EYA4: variants seen among roughly 807,000 people sequenced by gnomAD.
EYA4 encodes protein phosphatase EYA4.
In EYA4, 31 loss-of-function variants were observed where a neutral mutation model predicts 87.9. The ratio of observed to expected loss-of-function variants is 0.35; its 90% CI spans 0.27 to 0.48. The LOEUF is 0.48. Among genes scored for constraint, EYA4 ranks in the 20% least tolerant of loss-of-function variants. The pLI is 0.99. For synonymous variants in EYA4, 263 were observed against 270.6 expected, an observed-to-expected ratio of 0.97 and a Z score of 0.28; for missense variants, 678 against 761.4, an observed-to-expected ratio of 0.89 and a Z score of 1.29.
At chr6:133,418,006 C>T (rs970638297) in intron 3 of EYA4, among the ~76,000 whole-genome samples, 1 of 152,178 alleles carries the variant, frequency 6.6e-6, no homozygotes, top group Non-Finnish European at 1.5e-5. Flanking sequence ...AAACATATAT[C>T]CCACACCCTC....
intron 13 of EYA4, among the ~76,000 whole-genome samples, chr6:133,494,600 A>C (rs1797465261): frequency 1.3e-5 from 2 of 151,006 alleles, no homozygotes; most frequent in South Asian, 2.1e-4. Context: ...ACACTTTGGG[A>C]GGTGACGCAG....
rs966128861 is a variant in EYA4 at position 133,241,607 on chromosome 6, G to T, written c.-208G>T. 1 of 152,316 alleles carries T rather than the reference G, an allele frequency of 6.6e-6. No homozygotes were observed. The highest frequency in any genetic ancestry group is 1.5e-5 in the Non-Finnish European group (1 of 68,164). 9.4% of individuals were successfully genotyped at this position (152,316 alleles called of 1,614,324 possible). ...GCTATTTGTTGTGGGGTGGCCGAAG[G>T]GGATGTCCTGTTTTCACCAGAGGCA... On this transcript the variant is annotated 5_prime_UTR_variant, in exon 1 of 20. Coordinates refer to ENST00000355286, the MANE Select transcript of EYA4 (RefSeq NM_004100.5).
intron 3 of EYA4, among the ~76,000 whole-genome samples, chr6:133,434,228 G>A (rs1791443447): frequency 6.6e-6 from 1 of 152,184 alleles, no homozygotes. Flanking sequence ...ATGAAAGAAG[G>A]TTTAGACTTG....
chr6:133,251,860 G>A (rs2128231013), intron 1 of EYA4, among the ~76,000 whole-genome samples: 1 of 152,182 alleles, frequency 6.6e-6, no homozygotes, highest in African/African-American at 2.4e-5. Context: ...TAAGAGGATT[G>A]TTCTATTTCC....
chr6:133,478,269 G>A (rs767751701), intron 11 of EYA4, among the ~76,000 whole-genome samples: 2 of 152,068 alleles, frequency 1.3e-5, no homozygotes, highest in Non-Finnish European at 2.9e-5. Context: ...ATGAACATAT[G>A]CCTTCCCTCT....
intron 10 of EYA4, among the ~76,000 whole-genome samples, chr6:133,466,178 T>C (rs1794824033): frequency 6.6e-6 from 1 of 152,100 alleles, no homozygotes; most frequent in African/African-American, 2.4e-5. Flanking sequence ...ATAGTGAATA[T>C]AATAACAGAA....
chr6:133,514,784 A>C lies in EYA4; in HGVS notation c.1502-537A>C, dbSNP rs564083732. 3.9e-5 allele frequency among the ~76,000 whole-genome samples: 6 copies of C among 152,348 alleles called. No homozygotes were observed. In the South Asian group the frequency reaches 1.2e-3, roughly 32 times the overall value. ...TTAAACAAAATTATTAATTTTTTAC[A>C]TAGCAAAGTATTTATAGTAGCATTA... On this transcript the variant is annotated intron_variant, in intron 16 of 19. Transcript: ENST00000355286.
At chr6:133,284,661 A>T (rs1777888744) in intron 2 of EYA4, among the ~76,000 whole-genome samples, 1 of 152,236 alleles carries the variant, frequency 6.6e-6, no homozygotes, top group Admixed American at 6.5e-5. Context: ...AGTTTAGCAT[A>T]AGATTATATG....
intron 2 of EYA4, among the ~76,000 whole-genome samples, chr6:133,371,050 A>G (rs1005047830): frequency 6.6e-6 from 1 of 151,994 alleles, no homozygotes. Flanking sequence ...CAAGAAGAAG[A>G]AGTGTAAATT....
At chr6:133,252,201 T>C (rs1774964316) in intron 1 of EYA4, among the ~76,000 whole-genome samples, 1 of 152,252 alleles carries the variant, frequency 6.6e-6, no homozygotes, top group Non-Finnish European at 1.5e-5. Context: ...TATTCAGTAA[T>C]AAGAAACTTT....
chr6:133,493,711 A>T (rs1044943284), intron 13 of EYA4, among the ~76,000 whole-genome samples: 1 of 152,230 alleles, frequency 6.6e-6, no homozygotes, highest in Non-Finnish European at 1.5e-5. Flanking sequence ...AGGGATTAAT[A>T]AGCGGAACAT....
chr6:133,341,846 TGGATA>T (rs1782807612), intron 2 of EYA4, among the ~76,000 whole-genome samples: 1 of 152,188 alleles, frequency 6.6e-6, no homozygotes, highest in Non-Finnish European at 1.5e-5. Flanking sequence ...TAGTGTGGAA[TGGATA>T]GCATCTTTGA....
chr6:133,380,020 C>T (rs9493613), intron 2 of EYA4, among the ~76,000 whole-genome samples: 26,869 of 152,112 alleles, frequency 0.18, 2,733 homozygotes, highest in South Asian at 0.32. Flanking sequence ...CTATTTCCCA[C>T]ATACAGTCTC....
intron 10 of EYA4, among the ~76,000 whole-genome samples, chr6:133,466,986 C>T (rs1583360873): frequency 1.3e-5 from 2 of 151,874 alleles, no homozygotes; most frequent in Non-Finnish European, 1.5e-5. Context: ...AACTCTGCCA[C>T]CAAGGTCTTT....
chr6:133,379,011 C>A (rs1327873991), intron 2 of EYA4, among the ~76,000 whole-genome samples: 1 of 151,150 alleles, frequency 6.6e-6, no homozygotes, highest in East Asian at 1.9e-4. Flanking sequence ...TATTGGCCCA[C>A]CCCCTTGTGT....
intron 14 of EYA4, among the ~76,000 whole-genome samples, chr6:133,509,408 A>G (rs1798936705): frequency 6.6e-6 from 1 of 152,096 alleles, no homozygotes; most frequent in Non-Finnish European, 1.5e-5. Flanking sequence ...CTTAAAAAAA[A>G]AAAAAAAACC....
intron 11 of EYA4, among the ~76,000 whole-genome samples, chr6:133,476,827 T>C (rs145630708): frequency 4.5e-4 from 68 of 152,184 alleles, no homozygotes; most frequent in African/African-American, 1.5e-3. Flanking sequence ...TAGCATTTTC[T>C]ATAATGGCTG....
At chr6:133,291,629 A>G (rs1472016470) in intron 2 of EYA4, among the ~76,000 whole-genome samples, 1 of 152,166 alleles carries the variant, frequency 6.6e-6, no homozygotes, top group Non-Finnish European at 1.5e-5. Context: ...GTTCAAAATA[A>G]AAAGGCTTTG....
intron 9 of EYA4, among the ~76,000 whole-genome samples, chr6:133,464,123 A>G (rs1428447646): frequency 6.6e-6 from 1 of 151,998 alleles, no homozygotes; most frequent in Non-Finnish European, 1.5e-5. Flanking sequence ...TTCCATAAGG[A>G]CTTTTTTTTT....
Sources: gnomAD v4.1 joint callset for allele counts (sites outside exome capture counted in the v4.1 genomes callset) on GRCh38, gnomAD v4.1.1 for gene constraint, MANE v1.5 for transcripts, NCBI Gene and HGNC (gene_info 2026-07-23, HGNC 2026-07-21) for gene names.